Variants in SLC35F4 observed in about 807,000 individuals in gnomAD.
SLC35F4 encodes chromosome 14 open reading frame 36.
In SLC35F4, 24 loss-of-function variants were observed where a neutral mutation model predicts 44.2. The ratio of observed to expected loss-of-function variants is 0.54; its 90% CI spans 0.39 to 0.76. The LOEUF is 0.76. Among genes scored for constraint, SLC35F4 ranks in the 30% least tolerant of loss-of-function variants. The pLI is 0.00. For missense variants in SLC35F4, 562 were observed against 586.1 expected (o/e 0.96, Z 0.42); for synonymous variants, 238 against 223.6 (o/e 1.06, Z -0.57).
intron 1 of SLC35F4, among the ~76,000 whole-genome samples, chr14:57,659,083 G>A (rs1326629137): frequency 6.6e-6 from 1 of 152,184 alleles, no homozygotes; most frequent in Admixed American, 6.6e-5. Context: ...TCTTAAATCA[G>A]AAGAATTCAG....
At chr14:57,890,888 C>A (rs1304509370) in intron 1 of SLC35F4, among the ~76,000 whole-genome samples, 1 of 152,084 alleles carries the variant, frequency 6.6e-6, no homozygotes, top group Admixed American at 6.5e-5. Context: ...TCATTTTTTT[C>A]TGCACTAAGG....
At chr14:57,596,168 T>G (rs1340672619) in intron 1 of SLC35F4, 1 of 154,866 alleles carries the variant, frequency 6.5e-6, no homozygotes, top group Non-Finnish European at 1.4e-5. Context: ...ATATACCTAC[T>G]ATGCACCCAT....
intron 1 of SLC35F4, among the ~76,000 whole-genome samples, chr14:57,924,994 A>G (rs1188054460): frequency 1.3e-5 from 2 of 151,848 alleles, no homozygotes; most frequent in Admixed American, 6.6e-5. Context: ...GGCCTCAAGC[A>G]ATCCTCCTGT....
At chr14:57,955,031 C>T (rs115673330) in intron 1 of SLC35F4, among the ~76,000 whole-genome samples, 12,085 of 150,346 alleles carry the variant, frequency 0.08, 557 homozygotes, top group African/African-American at 0.11. Flanking sequence ...AACAGCAACA[C>T]GAAAATCCTC....
intron 1 of SLC35F4, among the ~76,000 whole-genome samples, chr14:57,798,148 A>AAAAT (rs2078100954): frequency 7.0e-6 from 1 of 143,744 alleles, no homozygotes; most frequent in African/African-American, 2.7e-5. Flanking sequence ...AAAAAAAAAA[A>AAAAT]TTGTGATAGA....
chr14:57,864,987 G>A lies in SLC35F4; in HGVS notation c.103+736C>T, dbSNP rs144611795. On this transcript the variant is annotated intron_variant, in intron 1 of 7. Transcript: ENST00000556826. ...GAAAGCATCCACGCCGCATGACCTC[G>A]CTTAGCTGGAAGAAAGCGGTGACCG... is the stretch of plus-strand genomic sequence containing the variant. 4.6e-5 allele frequency among the ~76,000 whole-genome samples: 7 copies of A among 152,122 alleles called. No homozygotes were observed. The East Asian group carries it at 1.2e-3, about 25-fold the overall frequency.
intron 1 of SLC35F4, among the ~76,000 whole-genome samples, chr14:57,686,960 T>G (rs77308612): frequency 3.3e-5 from 3 of 90,220 alleles, no homozygotes; most frequent in Non-Finnish European, 7.7e-5. Context: ...AATAATTAGG[T>G]GAAAATGAGA....
At chr14:57,624,030 T>C (rs1391766595) in intron 1 of SLC35F4, among the ~76,000 whole-genome samples, 4 of 151,866 alleles carry the variant, frequency 2.6e-5, no homozygotes, top group African/African-American at 9.7e-5. Flanking sequence ...TTTGAAATGA[T>C]CAACAAAATT....
At chr14:57,565,796 C>G (rs1288153403) in intron 7 of SLC35F4, among the ~76,000 whole-genome samples, 1 of 152,060 alleles carries the variant, frequency 6.6e-6, no homozygotes, top group Non-Finnish European at 1.5e-5. Flanking sequence ...TTTTTTGCTG[C>G]CCTGATCACA....
At chr14:57,931,711 A>G (rs1203005428) in intron 1 of SLC35F4, among the ~76,000 whole-genome samples, 1 of 152,196 alleles carries the variant, frequency 6.6e-6, no homozygotes, top group Non-Finnish European at 1.5e-5. Context: ...GGCTCCTCCA[A>G]TCACTGGTTG....
At chr14:57,679,126 A>G (rs2074802403) in intron 1 of SLC35F4, among the ~76,000 whole-genome samples, 2 of 152,202 alleles carry the variant, frequency 1.3e-5, no homozygotes, top group Middle Eastern at 3.4e-3. Context: ...AATTGGAAGT[A>G]AAACACTCCT....
chr14:57,953,070 T>C (rs187628172), intron 1 of SLC35F4, among the ~76,000 whole-genome samples: 40 of 152,302 alleles, frequency 2.6e-4, no homozygotes, highest in Non-Finnish European at 4.3e-4. Context: ...GGGAAGCTCA[T>C]CAGACTAATA....
At chr14:57,857,490 T>G (rs1887227895) in intron 1 of SLC35F4, among the ~76,000 whole-genome samples, 1 of 152,104 alleles carries the variant, frequency 6.6e-6, no homozygotes, top group South Asian at 2.1e-4. Flanking sequence ...ATGTACTCTT[T>G]CTTTTTCTGT....
chr14:57,737,306 T>C (rs1349016587), intron 1 of SLC35F4, among the ~76,000 whole-genome samples: 1 of 152,018 alleles, frequency 6.6e-6, no homozygotes, highest in Admixed American at 6.6e-5. Flanking sequence ...ATCACCCCTA[T>C]AGATCTCTTT....
intron 1 of SLC35F4, among the ~76,000 whole-genome samples, chr14:57,787,438 A>G (rs1363244441): frequency 6.6e-6 from 1 of 152,172 alleles, no homozygotes; most frequent in East Asian, 1.9e-4. Flanking sequence ...TCGTAAAAAG[A>G]TTGCCTGATC....
intron 1 of SLC35F4, among the ~76,000 whole-genome samples, chr14:57,945,988 T>C (rs1890019214): frequency 6.6e-6 from 1 of 152,196 alleles, no homozygotes; most frequent in Admixed American, 6.5e-5. Flanking sequence ...TCTTTCTCGA[T>C]GATTTGTTTG....
At chr14:57,938,802 G>T (rs1248260242) in intron 1 of SLC35F4, among the ~76,000 whole-genome samples, 2 of 152,170 alleles carry the variant, frequency 1.3e-5, no homozygotes, top group Non-Finnish European at 1.5e-5. Flanking sequence ...TGTGTCCAAG[G>T]CATTCGACTG....
At chr14:57,957,347 T>C (rs756889731) in intron 1 of SLC35F4, among the ~76,000 whole-genome samples, 5 of 152,020 alleles carry the variant, frequency 3.3e-5, no homozygotes, top group South Asian at 2.1e-4. Context: ...AGGTGACAGG[T>C]TGATGCATGC....
intron 1 of SLC35F4, among the ~76,000 whole-genome samples, chr14:57,967,289 GTTAAGGCTGACAGCCC>G (rs1880903067): frequency 6.6e-6 from 1 of 152,126 alleles, no homozygotes; most frequent in Non-Finnish European, 1.5e-5. Context: ...TGTCATTACT[GTTAAGGCTGACAGCCC>G]CTTTGACCAT....
Sources: allele counts gnomAD v4.1 joint callset (sites outside exome capture counted in the v4.1 genomes callset), GRCh38; gene constraint gnomAD v4.1.1; transcripts MANE v1.5; gene names NCBI Gene and HGNC (gene_info 2026-07-23, HGNC 2026-07-21).